Variants in ARHGAP25 observed in about 807,000 individuals in gnomAD.
The protein encoded by ARHGAP25 is Rho GTPase activating protein 25, also known as rho GTPase-activating protein 25.
Under a neutral mutation model 71.0 loss-of-function variants are expected in ARHGAP25, and 34 were observed. The ratio of observed to expected loss-of-function variants is 0.48; its 90% CI spans 0.36 to 0.64. ARHGAP25 has a LOEUF of 0.64. Among genes scored for constraint, ARHGAP25 ranks in the 30% least tolerant of loss-of-function variants. The pLI, the probability that ARHGAP25 is intolerant of heterozygous loss-of-function variation, is 0.00. For synonymous variants in ARHGAP25, 282 were observed against 296.5 expected (o/e 0.95, Z 0.50); for missense variants, 706 against 805.1 (o/e 0.88, Z 1.49).
Position 68,819,447 on chromosome 2 carries a change from C to T in ARHGAP25, c.1200+128C>T, listed in dbSNP as rs561976079. On this transcript the variant is annotated intron_variant, in intron 9 of 10. Coordinates refer to ENST00000409202, the MANE Select transcript of ARHGAP25 (RefSeq NM_001007231.3). ...GATGCAGTGGCAGTGGGCGCTGCTG[C>T]TACAGACTCATCTGAACACACCTTG... is the stretch of plus-strand genomic sequence containing the variant. The T allele has an allele frequency of 4.3e-6, 4 of 920,624 alleles. No individual in the cohort carries two copies. In the Admixed American group the frequency reaches 5.8e-5, roughly 13 times the overall value. 57.0% of individuals were successfully genotyped at this position (920,624 alleles called of 1,614,324 possible). A position where few individuals can be genotyped will look rare whatever the true frequency, so the allele number is the denominator to read the frequency against.
intron 4 of ARHGAP25, among the ~76,000 whole-genome samples, chr2:68,800,495 A>C (rs533791912): frequency 6.6e-6 from 1 of 152,178 alleles, no homozygotes; most frequent in East Asian, 1.9e-4. Context: ...ATGGGGTCCA[A>C]AATTTTAGGT....
chr2:68,714,501 T>C (rs1045045465), intron 2 of ARHGAP25, among the ~76,000 whole-genome samples: 2 of 152,218 alleles, frequency 1.3e-5, no homozygotes, highest in African/African-American at 4.8e-5. Context: ...GCTCTGATCT[T>C]AGTTATTTCT....
At chr2:68,793,283 C>G (rs1289702540) in intron 4 of ARHGAP25, among the ~76,000 whole-genome samples, 82 of 152,134 alleles carry the variant, frequency 5.4e-4, no homozygotes, top group Non-Finnish European at 4.4e-5. Flanking sequence ...TAATTAAGTC[C>G]TATTTGTTTA....
chr2:68,803,385 G>A (rs369138586), intron 4 of ARHGAP25, among the ~76,000 whole-genome samples: 2 of 152,326 alleles, frequency 1.3e-5, no homozygotes, highest in African/African-American at 4.8e-5. Flanking sequence ...AGCAGATTTA[G>A]TGAAGAAGTG....
intron 1 of ARHGAP25, among the ~76,000 whole-genome samples, chr2:68,753,133 T>C (rs962771206): frequency 2.0e-5 from 3 of 152,206 alleles, no homozygotes; most frequent in Admixed American, 1.3e-4. Context: ...TCTATCCTTC[T>C]ATTTATCTGT....
chr2:68,788,009 T>A, intron 4 of ARHGAP25, 53 bp downstream of exon 4: 1 of 1,411,654 alleles, frequency 7.1e-7, no homozygotes, highest in Non-Finnish European at 1.0e-6. Context: ...TCTCAGAAAG[T>A]AGGAAGTAGC....
chr2:68,815,976 G>A (rs1223004550), intron 6 of ARHGAP25, among the ~76,000 whole-genome samples: 1 of 152,074 alleles, frequency 6.6e-6, no homozygotes. Flanking sequence ...CATTCATTCA[G>A]CAAACAATTA....
intron 1 of ARHGAP25, among the ~76,000 whole-genome samples, chr2:68,762,273 A>G (rs1044893143): frequency 6.6e-6 from 1 of 152,186 alleles, no homozygotes; most frequent in Non-Finnish European, 1.5e-5. Context: ...ACAGAATTTC[A>G]GTTTTTCAAG....
chr2:68,782,411 A>G (rs2104390569), intron 3 of ARHGAP25, 91 bp downstream of exon 3: 3 of 1,217,500 alleles, frequency 2.5e-6, no homozygotes, highest in Middle Eastern at 3.9e-4. Context: ...ATATTCGGAG[A>G]GTAATTCAAC....
At chr2:68,727,192 C>T (rs958664844) in intron 2 of ARHGAP25, among the ~76,000 whole-genome samples, 1 of 152,090 alleles carries the variant, frequency 6.6e-6, no homozygotes, top group African/African-American at 2.4e-5. Flanking sequence ...CGGGGGCCCA[C>T]GTTCAAATGC....
Position 68,818,011 on chromosome 2 carries a change from A to G in ARHGAP25, c.1003+17A>G, listed in dbSNP as rs1383400916. ...TCATGAGAGGTATGGCTGGTCCCGT[A>G]GTGAAAGCAGGTACCCAGGAAATAA... On this transcript the variant is annotated intron_variant, in intron 8 of 10. Transcript: ENST00000409202. 5 of 1,613,670 alleles carry G rather than the reference A, an allele frequency of 3.1e-6. No homozygotes were observed. Among genetic ancestry groups the G allele is most frequent in the Non-Finnish European group, 3.4e-6 (4 of 1,179,808 alleles).
rs768203468 is a variant in ARHGAP25 at position 68,825,976 on chromosome 2, C to G, written c.1734-11C>G. 3 of 1,603,844 alleles carry G rather than the reference C, an allele frequency of 1.9e-6. No individual in the cohort carries two copies. Among genetic ancestry groups the G allele is most frequent in the Non-Finnish European group, 2.6e-6 (3 of 1,173,908 alleles). ...CCACATTCTTTCATTCTTTTCTTTC[C>G]TTCCTTGTAGCCTTGAGAAGGAAAA... On this transcript the variant is annotated splice_polypyrimidine_tract_variant and intron_variant, in intron 10 of 10. Coordinates refer to ENST00000409202, the MANE Select transcript of ARHGAP25 (RefSeq NM_001007231.3).
At position 68,781,971 on chromosome 2, in the gene ARHGAP25, G is replaced by C. The variant is rs575131121; in HGVS notation, c.262-262G>C. On this transcript the variant is annotated intron_variant, in intron 2 of 10. Transcript: ENST00000409202. ...GAAAAGTGGGAAGAGGCAAGTATTG[G>C]TGATGACACCCTCTTAGCTCATTCT... is the stretch of plus-strand genomic sequence containing the variant. 2.6e-5 allele frequency among the ~76,000 whole-genome samples: 4 copies of C among 152,296 alleles called. No individual in the cohort carries two copies. The East Asian group carries it at 5.8e-4, about 22-fold the overall frequency.
intron 1 of ARHGAP25, among the ~76,000 whole-genome samples, chr2:68,740,648 A>G (rs528628485): frequency 6.6e-6 from 1 of 152,368 alleles, no homozygotes; most frequent in East Asian, 1.9e-4. Context: ...ATCCTTTCCC[A>G]GGCCATTTAA....
intron 1 of ARHGAP25, among the ~76,000 whole-genome samples, chr2:68,752,155 A>T (rs1676217220): frequency 6.6e-6 from 1 of 152,230 alleles, no homozygotes; most frequent in South Asian, 2.1e-4. Flanking sequence ...GGCAGGCAGC[A>T]AAATTACCCT....
In ARHGAP25 at chr2:68,800,304, T is replaced by C. The variant is rs1283715042; in HGVS notation, c.467-6969T>C. Among the ~76,000 whole-genome samples the C allele has an allele frequency of 2.0e-5, 3 of 151,930 alleles. No homozygotes were observed. In the East Asian group the frequency reaches 5.8e-4, roughly 30 times the overall value. The stretch of plus-strand genomic sequence containing the variant: ...CAGTGATGACAAAGGAGGACCAAGG[T>C]AGGGAGGGAGGTGACAGTTGCTCTT... On this transcript the variant is annotated intron_variant, in intron 4 of 10. Transcript: ENST00000409202.
intron 1 of ARHGAP25, among the ~76,000 whole-genome samples, chr2:68,747,174 T>G (rs1423921396): frequency 1.3e-5 from 2 of 152,080 alleles, no homozygotes; most frequent in Non-Finnish European, 2.9e-5. Context: ...TCAGGCATTT[T>G]CTCCTTGAAA....
chr2:68,805,122 C>T (rs921865903), intron 4 of ARHGAP25, among the ~76,000 whole-genome samples: 6 of 152,130 alleles, frequency 3.9e-5, no homozygotes, highest in Admixed American at 3.3e-4. Context: ...CCTCTTTGTC[C>T]TCCTGGTGCA....
At chr2:68,787,812 C>A in intron 3 of ARHGAP25, 28 bp from the exon 4 acceptor site, 1 of 1,577,184 alleles carries the variant, frequency 6.3e-7, no homozygotes, top group Non-Finnish European at 8.7e-7. Flanking sequence ...CACTCTAAGA[C>A]CTTCACAAGT....
Sources: gnomAD v4.1 joint callset for allele counts (sites outside exome capture counted in the v4.1 genomes callset) on GRCh38, gnomAD v4.1.1 for gene constraint, MANE v1.5 for transcripts, NCBI Gene and HGNC (gene_info 2026-07-23, HGNC 2026-07-21) for gene names.